PRUNE2: variants seen among roughly 807,000 people sequenced by gnomAD.
The protein encoded by PRUNE2 is prune homolog 2 with BCH domain.
In PRUNE2, 164 loss-of-function variants were observed where a neutral mutation model predicts 252.0. The observed-to-expected ratio is 0.65, with a 90% CI of 0.57 to 0.74. PRUNE2 has a LOEUF of 0.74. Among genes scored for constraint, PRUNE2 ranks in the 30% least tolerant of loss-of-function variants. The probability of loss-of-function intolerance (pLI) is 0.00; values close to 1 mark genes in which losing one functional copy is unlikely to be tolerated. For missense variants in PRUNE2, 3,495 were observed against 3,711.0 expected, an observed-to-expected ratio of 0.94 and a Z score of 1.51; for synonymous variants, 1,292 against 1,350.2, an observed-to-expected ratio of 0.96 and a Z score of 0.94.
At chr9:76,718,703 T>A (rs2047369835) in intron 6 of PRUNE2, among the ~76,000 whole-genome samples, 1 of 152,108 alleles carries the variant, frequency 6.6e-6, no homozygotes, top group African/African-American at 2.4e-5. Context: ...TCCTTGATGA[T>A]CTTACCCAGC....
chr9:76,650,778 G>A (rs1847070479), intron 11 of PRUNE2, among the ~76,000 whole-genome samples: 1 of 152,308 alleles, frequency 6.6e-6, no homozygotes, highest in Non-Finnish European at 1.5e-5. Context: ...GTCAGCAAGT[G>A]GCAGTGTTAA....
At chr9:76,781,299 C>T (rs2054365391) in intron 6 of PRUNE2, among the ~76,000 whole-genome samples, 1 of 152,140 alleles carries the variant, frequency 6.6e-6, no homozygotes, top group African/African-American at 2.4e-5. Context: ...TCACTCTGGC[C>T]TGGGAGGGCT....
At chr9:76,657,478 AATT>A (rs1345985546) in intron 9 of PRUNE2, among the ~76,000 whole-genome samples, 1 of 152,220 alleles carries the variant, frequency 6.6e-6, no homozygotes, top group Non-Finnish European at 1.5e-5. Context: ...AACAATTGTG[AATT>A]ATGGGCAACA....
chr9:76,648,631 G>A (rs925640940), intron 11 of PRUNE2, among the ~76,000 whole-genome samples: 2 of 152,204 alleles, frequency 1.3e-5, no homozygotes, highest in Non-Finnish European at 1.5e-5. Flanking sequence ...GACAGTAAAA[G>A]CATCAGTGAT....
At chr9:76,739,604 T>A (rs2049395692) in intron 6 of PRUNE2, 2 of 151,918 alleles carry the variant, frequency 1.3e-5, no homozygotes, top group African/African-American at 4.8e-5. Flanking sequence ...TCAACCCAAG[T>A]GAAGCCTAGG....
chr9:76,883,100 T>A (rs1047528700), intron 1 of PRUNE2, among the ~76,000 whole-genome samples: 6 of 152,236 alleles, frequency 3.9e-5, no homozygotes, highest in Non-Finnish European at 7.3e-5. Flanking sequence ...TCACATACCA[T>A]CTTTGTGGTT....
chr9:76,867,217 C>T (rs1202749879), intron 1 of PRUNE2, among the ~76,000 whole-genome samples: 8 of 151,446 alleles, frequency 5.3e-5, no homozygotes, highest in Non-Finnish European at 7.4e-5. Flanking sequence ...CCCCCGCCCC[C>T]GCCAGCAGGT....
Position 76,710,302 on chromosome 9 carries a change from C to G in PRUNE2, c.1972G>C (p.Gly658Arg), listed in dbSNP as rs1335056472. Residue 658 changes from glycine (G) to arginine (R), a missense_variant, in exon 8 of 19, where the codon GGT becomes CGT. Gly to Arg is a moderately radical substitution (Grantham distance 125). Coordinates refer to ENST00000376718, the MANE Select transcript of PRUNE2 (RefSeq NM_015225.3). ...QTHARCSSWW[G>R]GLEIDSKNIA... ...TTTTTGGAGTCAATTTCCAAACCAC[C>G]CCACCAGCTGCTGCACCGTGCATGG... is the stretch of plus-strand genomic sequence containing the variant. 1 of 1,613,974 alleles carries G rather than the reference C, an allele frequency of 6.2e-7. No individual in the cohort carries two copies. Among genetic ancestry groups the G allele is most frequent in the Non-Finnish European group, 8.5e-7 (1 of 1,179,890 alleles).
At chr9:76,699,121 C>T (rs1164229876) in intron 9 of PRUNE2, among the ~76,000 whole-genome samples, 7 of 147,470 alleles carry the variant, frequency 4.7e-5, no homozygotes. Flanking sequence ...TTTCTCAATC[C>T]TCTTGGAAAT....
Position 76,620,301 on chromosome 9 carries a change from G to A in PRUNE2, c.9189-914C>T, listed in dbSNP as rs28554125. Among the ~76,000 whole-genome samples the A allele has an allele frequency of 1.9e-3, 285 of 152,026 alleles. 1 individual carries two copies. The highest frequency in any genetic ancestry group is 6.5e-3 in the African/African-American group (269 of 41,470). On this transcript the variant is annotated intron_variant, in intron 17 of 18. Coordinates refer to ENST00000376718, the MANE Select transcript of PRUNE2 (RefSeq NM_015225.3). ...ACTACAGCTGCATGCCACCATGCCC[G>A]GCTAATTTTCATATTTTTGGTAGGG...
At chr9:76,837,553 C>T (rs1304754906) in intron 4 of PRUNE2, among the ~76,000 whole-genome samples, 4 of 151,210 alleles carry the variant, frequency 2.6e-5, no homozygotes, top group Non-Finnish European at 2.9e-5. Context: ...CTGTATATGC[C>T]CCCACTGCAT....
chr9:76,862,757 T>C (rs1427198045), intron 1 of PRUNE2: 1 of 152,192 alleles, frequency 6.6e-6, no homozygotes, highest in Non-Finnish European at 1.5e-5. Flanking sequence ...ATTAAATGTA[T>C]TCCTTCTCAT....
intron 6 of PRUNE2, among the ~76,000 whole-genome samples, chr9:76,791,343 T>C (rs961393684): frequency 0.5 from 4 of 8 alleles, no homozygotes; most frequent in Admixed American, 0.5. Flanking sequence ...CCAATTATCA[T>C]TGGTACAATA....
intron 4 of PRUNE2, among the ~76,000 whole-genome samples, chr9:76,837,315 A>G (rs565504046): frequency 1.4e-3 from 208 of 152,056 alleles, no homozygotes; most frequent in Middle Eastern, 6.8e-3. Flanking sequence ...GGTGGCGGGC[A>G]CCTGCAGTCC....
intron 9 of PRUNE2, among the ~76,000 whole-genome samples, chr9:76,688,230 A>G (rs2044309979): frequency 6.6e-6 from 1 of 152,198 alleles, no homozygotes; most frequent in Non-Finnish European, 1.5e-5. Flanking sequence ...CTCAGTAGAT[A>G]CAGAGGTCTG....
chr9:76,616,967 A>AATAAATAAATAC (rs1176384428), intron 18 of PRUNE2, among the ~76,000 whole-genome samples: 1 of 151,736 alleles, frequency 6.6e-6, no homozygotes, highest in African/African-American at 2.4e-5. Flanking sequence ...AAAATAAATA[A>AATAAATAAATAC]ATAAATAAAT....
At chr9:76,621,220 G>C (rs1165188221) in intron 17 of PRUNE2, among the ~76,000 whole-genome samples, 1 of 152,150 alleles carries the variant, frequency 6.6e-6, no homozygotes, top group Non-Finnish European at 1.5e-5. Context: ...AAAGTCAGGC[G>C]CATCTGTCAA....
At chr9:76,856,051 A>C (rs1264797164) in intron 1 of PRUNE2, among the ~76,000 whole-genome samples, 1 of 152,240 alleles carries the variant, frequency 6.6e-6, no homozygotes, top group East Asian at 1.9e-4. Flanking sequence ...GCAGAATGCT[A>C]TTCTTCCGAG....
chr9:76,782,582 T>A (rs1338929106), intron 6 of PRUNE2: 1 of 152,234 alleles, frequency 6.6e-6, no homozygotes. Flanking sequence ...ATATGTTAAG[T>A]TCCATGTAAA....
Sources: allele counts gnomAD v4.1 joint callset (sites outside exome capture counted in the v4.1 genomes callset), GRCh38; gene constraint gnomAD v4.1.1; transcripts MANE v1.5; gene names NCBI Gene and HGNC (gene_info 2026-07-23, HGNC 2026-07-21).